The following DPP6 variants were observed in gnomAD, a reference collection of about 807,000 sequenced individuals.
DPP6 encodes dipeptidyl peptidase like 6.
A neutral mutation model predicts 122.6 loss-of-function variants in DPP6; 69 were observed. The observed-to-expected ratio is 0.56, with a 90% CI of 0.46 to 0.69. DPP6 has a LOEUF of 0.69. DPP6 is among the 30% of genes least tolerant of loss of function. The pLI, the probability that DPP6 is intolerant of heterozygous loss-of-function variation, is 0.00. For synonymous variants in DPP6, 418 were observed against 433.1 expected (o/e 0.97, Z 0.43); for missense variants, 928 against 1,116.9 (o/e 0.83, Z 2.41).
chr7:154,229,585 T>C (rs946701031), intron 1 of DPP6, among the ~76,000 whole-genome samples: 2 of 152,244 alleles, frequency 1.3e-5, no homozygotes, highest in African/African-American at 4.8e-5. Flanking sequence ...GAGGGCTTCA[T>C]CTTCAGCATC....
chr7:154,564,540 T>C (rs1229423882), intron 4 of DPP6, among the ~76,000 whole-genome samples: 2 of 152,220 alleles, frequency 1.3e-5, no homozygotes, highest in African/African-American at 4.8e-5. Flanking sequence ...GCAATACCTA[T>C]TTAATTTTAA....
intron 4 of DPP6, among the ~76,000 whole-genome samples, chr7:154,553,507 G>A (rs6962496): frequency 0.27 from 40,946 of 151,960 alleles, 5,728 homozygotes; most frequent in Middle Eastern, 0.37. Context: ...AACACTCTAC[G>A]TTCATTATCT....
At chr7:154,325,239 C>A (rs541204762) in intron 1 of DPP6, among the ~76,000 whole-genome samples, 2 of 152,226 alleles carry the variant, frequency 1.3e-5, no homozygotes, top group South Asian at 4.1e-4. Context: ...GGCTGCGAAT[C>A]GGCAGAGTTG....
chr7:154,257,028 A>C (rs1802704295), intron 1 of DPP6, among the ~76,000 whole-genome samples: 1 of 127,720 alleles, frequency 7.8e-6, no homozygotes. Context: ...ACAGTGTGTC[A>C]CTCTGTTGCC....
At chr7:154,153,706 C>T (rs10249158) in intron 1 of DPP6, among the ~76,000 whole-genome samples, 1 of 151,100 alleles carries the variant, frequency 6.6e-6, no homozygotes, top group Non-Finnish European at 1.5e-5. Flanking sequence ...TTTAGGCTTT[C>T]CAGGACCTAC....
At chr7:154,084,620 T>A in intron 1 of DPP6, among the ~76,000 whole-genome samples, 1 of 100,486 alleles carries the variant, frequency 1.0e-5, no homozygotes, top group Non-Finnish European at 1.9e-5. Context: ...ATCACCGTAA[T>A]TTCAAAAGCA....
intron 1 of DPP6, among the ~76,000 whole-genome samples, chr7:153,908,788 T>C (rs1799954156): frequency 6.6e-6 from 1 of 152,170 alleles, no homozygotes; most frequent in Admixed American, 6.5e-5. Flanking sequence ...AGAGTCTTGC[T>C]CTGTCGCCCA....
At chr7:154,495,388 G>C (rs1824639583) in intron 3 of DPP6, among the ~76,000 whole-genome samples, 1 of 11,780 alleles carries the variant, frequency 8.5e-5, no homozygotes, top group African/African-American at 7.9e-4. Flanking sequence ...GGTTTGTTGT[G>C]GTTTTTTTTT....
chr7:154,487,350 C>A (rs1421390089), intron 3 of DPP6, among the ~76,000 whole-genome samples: 1 of 152,154 alleles, frequency 6.6e-6, no homozygotes, highest in African/African-American at 2.4e-5. Context: ...GAAGACCCCG[C>A]CGTACTCAGC....
intron 1 of DPP6, among the ~76,000 whole-genome samples, chr7:154,080,071 C>G (rs1803879668): frequency 6.6e-6 from 1 of 150,972 alleles, no homozygotes; most frequent in African/African-American, 2.4e-5. Context: ...TGTGCAGGAG[C>G]TGTCATCAGA....
intron 1 of DPP6, among the ~76,000 whole-genome samples, chr7:154,061,724 G>A (rs1801949168): frequency 1.4e-5 from 1 of 73,992 alleles, no homozygotes; most frequent in Non-Finnish European, 2.9e-5. Context: ...CCGCGAGGCG[G>A]GGACTGCGAA....
chr7:154,037,285 C>T (rs183024322), intron 1 of DPP6, among the ~76,000 whole-genome samples: 1 of 152,062 alleles, frequency 6.6e-6, no homozygotes, highest in African/African-American at 2.4e-5. Context: ...ATTTACTTTC[C>T]CCATTGGTAT....
At chr7:154,718,363 T>C (rs890931278) in intron 7 of DPP6, among the ~76,000 whole-genome samples, 1 of 152,236 alleles carries the variant, frequency 6.6e-6, no homozygotes, top group Non-Finnish European at 1.5e-5. Context: ...TGCTTTCTTC[T>C]TGTTGTTTTA....
At chr7:154,599,773 T>C (rs1053228549) in intron 5 of DPP6, among the ~76,000 whole-genome samples, 2 of 152,040 alleles carry the variant, frequency 1.3e-5, no homozygotes, top group Non-Finnish European at 2.9e-5. Flanking sequence ...ATGCAGTGTT[T>C]GATTTTCTGT....
chr7:154,761,929 G>T (rs918261707), intron 8 of DPP6, among the ~76,000 whole-genome samples: 1 of 152,090 alleles, frequency 6.6e-6, no homozygotes, highest in African/African-American at 2.4e-5. Flanking sequence ...CCACCTATGA[G>T]TGAGAACATG....
chr7:154,842,007 G>A (rs1177058065), intron 16 of DPP6, among the ~76,000 whole-genome samples: 2 of 152,236 alleles, frequency 1.3e-5, no homozygotes, highest in Admixed American at 6.5e-5. Flanking sequence ...TTAATTATCC[G>A]CAGTAGTTCT....
intron 1 of DPP6, among the ~76,000 whole-genome samples, chr7:154,206,546 CTGAGTCACT>C (rs1799460143): frequency 6.6e-6 from 1 of 152,214 alleles, no homozygotes; most frequent in Admixed American, 6.5e-5. Context: ...GCCCGTATAG[CTGAGTCACT>C]TGACCTTTCT....
At chr7:154,617,599 C>A (rs1834346792) in intron 5 of DPP6, among the ~76,000 whole-genome samples, 1 of 152,150 alleles carries the variant, frequency 6.6e-6, no homozygotes, top group Non-Finnish European at 1.5e-5. Context: ...ACCATCCCTG[C>A]CCGTTGGTGA....
intron 1 of DPP6, among the ~76,000 whole-genome samples, chr7:154,032,812 CCT>C (rs1799311931): frequency 6.6e-6 from 1 of 151,538 alleles, no homozygotes; most frequent in African/African-American, 2.4e-5. Context: ...GCCTGAATCC[CCT>C]CTCTCTTTAA....
Sources: allele counts gnomAD v4.1 joint callset (sites outside exome capture counted in the v4.1 genomes callset), GRCh38; gene constraint gnomAD v4.1.1; transcripts MANE v1.5; gene names NCBI Gene and HGNC (gene_info 2026-07-23, HGNC 2026-07-21).